Variants in PAM observed in about 807,000 individuals in gnomAD.
The protein encoded by PAM is peptidyl-glycine alpha-amidating monooxygenase.
PAM carries 72 observed loss-of-function variants against 122.1 expected under a neutral mutation model. That is an observed-to-expected ratio of 0.59 (90% CI 0.49 to 0.72). PAM has a LOEUF of 0.72. Among genes scored for constraint, PAM ranks in the 30% least tolerant of loss-of-function variants. PAM has a pLI of 0.00. For missense variants in PAM, 1,106 were observed against 1,183.7 expected, an observed-to-expected ratio of 0.93 and a Z score of 0.96; for synonymous variants, 389 against 404.4, an observed-to-expected ratio of 0.96 and a Z score of 0.46.
chr5:102,970,842 T>C (rs1177428177), intron 14 of PAM, among the ~76,000 whole-genome samples: 1 of 144,986 alleles, frequency 6.9e-6, no homozygotes, highest in East Asian at 1.9e-4. Context: ...AGTCTCACTC[T>C]GTCTCCCGGG....
chr5:102,882,052 A>G (rs1791318505), intron 3 of PAM, among the ~76,000 whole-genome samples: 1 of 62,016 alleles, frequency 1.6e-5, no homozygotes, highest in African/African-American at 5.4e-5. Flanking sequence ...TCCATCGTGG[A>G]ATATATATAT....
At chr5:102,879,325 CT>C (rs2151102673) in intron 3 of PAM, among the ~76,000 whole-genome samples, 1 of 152,302 alleles carries the variant, frequency 6.6e-6, no homozygotes, top group South Asian at 2.1e-4. Context: ...TTCACATTCA[CT>C]CACCTACACA....
intron 1 of PAM, among the ~76,000 whole-genome samples, chr5:102,774,618 T>C (rs1039036085): frequency 1.3e-5 from 2 of 152,118 alleles, no homozygotes; most frequent in African/African-American, 2.4e-5. Flanking sequence ...ACTATTGAGA[T>C]GGTACAGTTT....
At chr5:102,783,562 G>T (rs908281034) in intron 1 of PAM, among the ~76,000 whole-genome samples, 11 of 152,184 alleles carry the variant, frequency 7.2e-5, no homozygotes, top group African/African-American at 2.7e-4. Context: ...GAAGGCCTGG[G>T]TGGGAGAAAA....
chr5:102,805,390 T>C (rs1165897246), intron 1 of PAM, among the ~76,000 whole-genome samples: 1 of 152,152 alleles, frequency 6.6e-6, no homozygotes, highest in African/African-American at 2.4e-5. Flanking sequence ...TTCTAACTAC[T>C]GTTTTCTTTC....
intron 3 of PAM, among the ~76,000 whole-genome samples, chr5:102,889,395 G>C (rs1441800585): frequency 6.6e-6 from 1 of 151,838 alleles, no homozygotes; most frequent in Non-Finnish European, 1.5e-5. Context: ...AACAGTTTCT[G>C]GTTTTGGTAA....
At chr5:102,910,891 G>A (rs1319345172) in intron 4 of PAM, among the ~76,000 whole-genome samples, 1 of 151,870 alleles carries the variant, frequency 6.6e-6, no homozygotes, top group Non-Finnish European at 1.5e-5. Context: ...GACATCTCCT[G>A]CATAGTCTTA....
intron 3 of PAM, among the ~76,000 whole-genome samples, chr5:102,889,238 G>A (rs1794057196): frequency 6.6e-6 from 1 of 152,014 alleles, no homozygotes; most frequent in East Asian, 1.9e-4. Flanking sequence ...GCTTTAGTTT[G>A]TGGGAGGAAC....
intron 4 of PAM, among the ~76,000 whole-genome samples, chr5:102,908,366 G>A (rs1352923604): frequency 6.6e-6 from 1 of 151,942 alleles, no homozygotes; most frequent in Non-Finnish European, 1.5e-5. Flanking sequence ...TGCTGTTTTG[G>A]TTGCTGTAGC....
intron 24 of PAM, among the ~76,000 whole-genome samples, chr5:103,026,009 TAATTC>T (rs1784844680): frequency 1.3e-5 from 2 of 152,168 alleles, no homozygotes; most frequent in Admixed American, 6.5e-5. Context: ...CAAGAAAAAT[TAATTC>T]TATAACAAAC....
At chr5:102,881,255 A>G (rs1472792270) in intron 3 of PAM, among the ~76,000 whole-genome samples, 1 of 152,044 alleles carries the variant, frequency 6.6e-6, no homozygotes, top group Non-Finnish European at 1.5e-5. Flanking sequence ...AAGAGTTCCT[A>G]TAGATTTTGA....
At chr5:102,997,683 CA>C (rs1158883625) in intron 16 of PAM, among the ~76,000 whole-genome samples, 1 of 152,154 alleles carries the variant, frequency 6.6e-6, no homozygotes, top group Non-Finnish European at 1.5e-5. Context: ...AGATGATCCT[CA>C]AATTAGTTAA....
At chr5:103,003,890 C>G (rs73179839) in intron 17 of PAM, among the ~76,000 whole-genome samples, 2 of 151,390 alleles carry the variant, frequency 1.3e-5, no homozygotes, top group African/African-American at 4.9e-5. Context: ...CCTTATCATG[C>G]GTATGTAATT....
chr5:102,903,828 G>GA (rs567413344), intron 4 of PAM, among the ~76,000 whole-genome samples: 1 of 151,530 alleles, frequency 6.6e-6, no homozygotes, highest in South Asian at 2.1e-4. Context: ...AGGTGGAGCT[G>GA]AAATATAGCA....
intron 4 of PAM, among the ~76,000 whole-genome samples, chr5:102,910,542 T>G (rs1221141225): frequency 6.6e-6 from 1 of 151,892 alleles, no homozygotes; most frequent in Non-Finnish European, 1.5e-5. Flanking sequence ...AACTGTTAGC[T>G]CCCATTGAGA....
intron 3 of PAM, among the ~76,000 whole-genome samples, chr5:102,886,154 A>G (rs2151203173): frequency 6.6e-6 from 1 of 152,196 alleles, no homozygotes; most frequent in South Asian, 2.1e-4. Flanking sequence ...TTAAGAATTT[A>G]TAGAGAATAG....
At chr5:102,864,510 A>G (rs535453038) in intron 1 of PAM, 5 of 152,190 alleles carry the variant, frequency 3.3e-5, no homozygotes, top group Non-Finnish European at 7.3e-5. Flanking sequence ...GGTTTTATTT[A>G]TATTTGGTAT....
chr5:103,007,433 C>A, intron 19 of PAM, 24 bp from the exon 20 acceptor site: 1 of 1,604,836 alleles, frequency 6.2e-7, no homozygotes, highest in South Asian at 1.1e-5. Context: ...CATTGTGTAT[C>A]TAAGGCTTTT....
At chr5:102,893,287 G>A (rs777847275) in intron 3 of PAM, among the ~76,000 whole-genome samples, 15 of 151,746 alleles carry the variant, frequency 9.9e-5, no homozygotes, top group Non-Finnish European at 1.8e-4. Flanking sequence ...TTTGGCCAGA[G>A]GAATTTCTTT....
Sources: gnomAD v4.1 joint callset for allele counts (sites outside exome capture counted in the v4.1 genomes callset) on GRCh38, gnomAD v4.1.1 for gene constraint, MANE v1.5 for transcripts, NCBI Gene and HGNC (gene_info 2026-07-23, HGNC 2026-07-21) for gene names.